Variants in GLRB observed in about 807,000 individuals in gnomAD.
The protein encoded by GLRB is glycine receptor subunit beta.
A neutral mutation model predicts 54.2 loss-of-function variants in GLRB; 33 were observed. The observed-to-expected ratio is 0.61, with a 90% CI of 0.46 to 0.81. GLRB has a LOEUF of 0.81. Ranked by LOEUF, GLRB falls within the 40% of genes least tolerant of loss-of-function variation. The probability of loss-of-function intolerance (pLI) is 0.00; values close to 1 mark genes in which losing one functional copy is unlikely to be tolerated. For synonymous variants in GLRB, 209 were observed against 208.2 expected (o/e 1.00, Z -0.03); for missense variants, 572 against 584.6 (o/e 0.98, Z 0.22).
intron 2 of GLRB, among the ~76,000 whole-genome samples, chr4:157,119,577 C>T (rs866279660): frequency 6.6e-5 from 10 of 151,682 alleles, no homozygotes; most frequent in Middle Eastern, 3.4e-3. Flanking sequence ...ATGTTTCATA[C>T]ATTTAGTAAA....
At chr4:157,086,510 T>C (rs1560933136) in intron 2 of GLRB, among the ~76,000 whole-genome samples, 1 of 152,198 alleles carries the variant, frequency 6.6e-6, no homozygotes, top group African/African-American at 2.4e-5. Context: ...GTTTGGAGAA[T>C]CTTGATCGGT....
chr4:157,089,243 AT>A (rs1172588563), intron 2 of GLRB, among the ~76,000 whole-genome samples: 5 of 151,870 alleles, frequency 3.3e-5, no homozygotes, highest in Non-Finnish European at 7.4e-5. Flanking sequence ...TTAAAAAAAA[AT>A]TAGCCAAGCA....
At chr4:157,085,940 CTTATA>C (rs1734395013) in intron 2 of GLRB, among the ~76,000 whole-genome samples, 1 of 152,080 alleles carries the variant, frequency 6.6e-6, no homozygotes, top group African/African-American at 2.4e-5. Flanking sequence ...AAACAACTCT[CTTATA>C]TTATGTGTGT....
At chr4:157,125,050 A>G (rs995164875) in intron 4 of GLRB, among the ~76,000 whole-genome samples, 1 of 151,918 alleles carries the variant, frequency 6.6e-6, no homozygotes, top group South Asian at 2.1e-4. Flanking sequence ...TACATAAATG[A>G]CATTAAAATA....
chr4:157,153,814 G>T (rs1737119584), intron 9 of GLRB, among the ~76,000 whole-genome samples: 1 of 152,214 alleles, frequency 6.6e-6, no homozygotes, highest in Middle Eastern at 3.4e-3. Flanking sequence ...AGACCAATAG[G>T]TCCATTCCAT....
intron 2 of GLRB, among the ~76,000 whole-genome samples, chr4:157,100,952 C>A (rs1735000754): frequency 6.6e-6 from 1 of 152,044 alleles, no homozygotes; most frequent in Non-Finnish European, 1.5e-5. Flanking sequence ...TTTTGTTTGC[C>A]AGTATTTTTC....
intron 2 of GLRB, among the ~76,000 whole-genome samples, chr4:157,102,594 G>A (rs1180111261): frequency 6.6e-6 from 1 of 152,028 alleles, no homozygotes; most frequent in African/African-American, 2.4e-5. Flanking sequence ...TTAGAAAGGA[G>A]ACCTTTATTT....
intron 7 of GLRB, among the ~76,000 whole-genome samples, chr4:157,140,677 G>A (rs1269367981): frequency 6.6e-6 from 1 of 151,900 alleles, no homozygotes; most frequent in Non-Finnish European, 1.5e-5. Context: ...CAGTTACAGT[G>A]ATGCTGTGGG....
Position 157,083,258 on chromosome 4 carries a change from A to G in GLRB, c.122+5112A>G, listed in dbSNP as rs367966856. Among the ~76,000 whole-genome samples the G allele has an allele frequency of 1.6e-4, 24 of 152,224 alleles. 1 individual carries two copies. In the East Asian group the frequency reaches 1.9e-3, roughly 12 times the overall value. ...ATTAGGAAGAGCTGAAGGAACTGAG[A>G]TACTTGAAAATTGTCTCCAAAGTTT... On this transcript the variant is annotated intron_variant, in intron 2 of 9. Transcript: ENST00000264428.
chr4:157,137,718 A>G (rs1275606205), intron 6 of GLRB, among the ~76,000 whole-genome samples: 1 of 152,164 alleles, frequency 6.6e-6, no homozygotes, highest in East Asian at 1.9e-4. Context: ...GAGATTTTGC[A>G]CATGTATGTG....
At chr4:157,155,728 C>T (rs1020131490) in intron 9 of GLRB, among the ~76,000 whole-genome samples, 6 of 152,002 alleles carry the variant, frequency 3.9e-5, no homozygotes, top group Admixed American at 2.6e-4. Context: ...GTCTTTTGGT[C>T]GAGTAGTGAT....
At chr4:157,092,585 C>A (rs1461737097) in intron 2 of GLRB, among the ~76,000 whole-genome samples, 1 of 152,148 alleles carries the variant, frequency 6.6e-6, no homozygotes, top group African/African-American at 2.4e-5. Context: ...CCTTATTACA[C>A]ATAGCTTTCC....
rs190662857 is a variant in GLRB at position 157,163,310 on chromosome 4, C to T, written c.1198-7122C>T. 1.4e-4 allele frequency among the ~76,000 whole-genome samples: 22 copies of T among 152,122 alleles called. No individual in the cohort carries two copies. The East Asian group carries it at 3.7e-3, about 26-fold the overall frequency. ...TGTGAGGCAGTGCCCCACCCTGCTCCATGGGCTGCACCGACAGTCAGACAA... is the reference window on the plus strand; with the variant it reads ...TGTGAGGCAGTGCCCCACCCTGCTCTATGGGCTGCACCGACAGTCAGACAA... On this transcript the variant is annotated intron_variant, in intron 9 of 9. Coordinates refer to ENST00000264428, the MANE Select transcript of GLRB (RefSeq NM_000824.5).
intron 4 of GLRB, among the ~76,000 whole-genome samples, chr4:157,131,069 T>G (rs1362836563): frequency 1.3e-5 from 2 of 151,688 alleles, no homozygotes; most frequent in African/African-American, 4.8e-5. Flanking sequence ...ATTAGTAACA[T>G]CAATTTTTAA....
chr4:157,142,703 T>A (rs1290403349), intron 7 of GLRB, among the ~76,000 whole-genome samples: 2 of 152,252 alleles, frequency 1.3e-5, no homozygotes, highest in African/African-American at 4.8e-5. Flanking sequence ...CATTATTCTT[T>A]CCCCCATAAT....
At chr4:157,083,081 A>G (rs1260443961) in intron 2 of GLRB, among the ~76,000 whole-genome samples, 2 of 151,738 alleles carry the variant, frequency 1.3e-5, no homozygotes, top group Admixed American at 1.3e-4. Context: ...AACTATTTTA[A>G]TAGTAAAACT....
intron 4 of GLRB, among the ~76,000 whole-genome samples, chr4:157,122,621 A>G (rs1330948532): frequency 6.6e-6 from 1 of 151,752 alleles, no homozygotes; most frequent in Non-Finnish European, 1.5e-5. Context: ...ACAGACTTAA[A>G]AGAATTGATG....
chr4:157,145,891 G>C (rs1000087983), intron 8 of GLRB, among the ~76,000 whole-genome samples: 1 of 152,058 alleles, frequency 6.6e-6, no homozygotes, highest in Non-Finnish European at 1.5e-5. Flanking sequence ...CTTGGACATT[G>C]GGGGAACAAG....
chr4:157,137,528 G>A (rs1736446433), intron 6 of GLRB, among the ~76,000 whole-genome samples: 1 of 151,082 alleles, frequency 6.6e-6, no homozygotes, highest in Non-Finnish European at 1.5e-5. Context: ...CTGAATACAT[G>A]GATCATCTTA....
Sources: allele counts gnomAD v4.1 joint callset (sites outside exome capture counted in the v4.1 genomes callset), GRCh38; gene constraint gnomAD v4.1.1; transcripts MANE v1.5; gene names NCBI Gene and HGNC (gene_info 2026-07-23, HGNC 2026-07-21).